The following FAM184A variants were observed in gnomAD, a reference collection of about 807,000 sequenced individuals.
The protein encoded by FAM184A is family with sequence similarity 184 member A.
Under a neutral mutation model 143.8 loss-of-function variants are expected in FAM184A, and 99 were observed. That is an observed-to-expected ratio of 0.69 (90% confidence interval 0.58 to 0.81). The LOEUF is 0.81. Among genes scored for constraint, FAM184A ranks in the 40% least tolerant of loss-of-function variants. The pLI is 0.00. For missense variants in FAM184A, 1,217 were observed against 1,310.5 expected, an observed-to-expected ratio of 0.93 and a Z score of 1.10; for synonymous variants, 427 against 446.4, an observed-to-expected ratio of 0.96 and a Z score of 0.55.
intron 1 of FAM184A, among the ~76,000 whole-genome samples, chr6:119,147,273 A>G (rs1772476853): frequency 6.7e-6 from 1 of 149,258 alleles, no homozygotes; most frequent in Admixed American, 6.9e-5. Context: ...GCGTGGGTGC[A>G]TCCTAGCTGT....
rs1210092012 is a variant in FAM184A at position 119,011,303 on chromosome 6, T to C, written c.1653+6A>G. On this transcript the variant is annotated splice_donor_region_variant and intron_variant, in intron 6 of 17. Coordinates refer to ENST00000338891, the MANE Select transcript of FAM184A (RefSeq NM_024581.6). ...AACATAGGCAACAGGTCTAAAGAAT[T>C]CTTGCCTCTTGATTGGCTGTATTCA... 6.2e-7 allele frequency: 1 copy of C among 1,607,276 alleles called. No homozygotes were observed. The highest frequency in any genetic ancestry group is 1.3e-5 in the African/African-American group (1 of 74,534).
At chr6:119,093,191 G>A (rs1284410034) in intron 1 of FAM184A, among the ~76,000 whole-genome samples, 1 of 152,174 alleles carries the variant, frequency 6.6e-6, no homozygotes, top group Non-Finnish European at 1.5e-5. Context: ...TACCTTTGTG[G>A]AGGGAGTACA....
At chr6:119,000,453 G>A (rs946555660) in intron 9 of FAM184A, among the ~76,000 whole-genome samples, 5 of 152,130 alleles carry the variant, frequency 3.3e-5, no homozygotes, top group South Asian at 4.1e-4. Flanking sequence ...TGACTGAATC[G>A]TAGCACAGAA....
chr6:119,006,392 TA>T (rs1784919724), intron 7 of FAM184A, 54 bp downstream of exon 7: 4 of 1,561,778 alleles, frequency 2.6e-6, no homozygotes, highest in Non-Finnish European at 3.5e-6. Flanking sequence ...GTCAAATGGC[TA>T]AATTCTATTT....
intron 7 of FAM184A, chr6:119,006,031 G>A: frequency 1.3e-6 from 1 of 756,040 alleles, no homozygotes. Flanking sequence ...AATACAGTCA[G>A]TACAGATGTA....
At chr6:118,996,881 A>ATT (rs571005695) in intron 9 of FAM184A, among the ~76,000 whole-genome samples, 5,167 of 139,010 alleles carry the variant, frequency 0.037, 214 homozygotes, top group African/African-American at 0.1. Flanking sequence ...TGCCTGGCTA[A>ATT]TTTTTTTTTT....
chr6:119,059,836 A>G (rs971032980), intron 1 of FAM184A, among the ~76,000 whole-genome samples: 7 of 152,242 alleles, frequency 4.6e-5, no homozygotes, highest in African/African-American at 1.7e-4. Context: ...TGAGTTTTAT[A>G]TATCTACGCT....
intron 5 of FAM184A, among the ~76,000 whole-genome samples, chr6:119,012,666 T>C (rs899869699): frequency 6.6e-6 from 1 of 152,154 alleles, no homozygotes; most frequent in Non-Finnish European, 1.5e-5. Flanking sequence ...ATGTCAAAAT[T>C]CCAGATTCCC....
chr6:119,034,566 GTTT>G (rs71556823), intron 1 of FAM184A, among the ~76,000 whole-genome samples: 64 of 88,314 alleles, frequency 7.2e-4, no homozygotes, highest in Non-Finnish European at 1.2e-3. Context: ...TTAATATATA[GTTT>G]TTTTTTTTTT....
chr6:119,014,667 A>T (rs992050151), intron 5 of FAM184A, among the ~76,000 whole-genome samples: 2 of 152,246 alleles, frequency 1.3e-5, no homozygotes, highest in African/African-American at 4.8e-5. Context: ...CAATGTCTTA[A>T]ATAAATTCAA....
intron 1 of FAM184A, among the ~76,000 whole-genome samples, chr6:119,065,114 T>G (rs1055880408): frequency 6.6e-6 from 1 of 152,302 alleles, no homozygotes; most frequent in Admixed American, 6.5e-5. Flanking sequence ...CTGTAGTTAT[T>G]TCCTACACTG....
At position 119,010,246 on chromosome 6, in the gene FAM184A, C is replaced by T. The variant is rs576424317; in HGVS notation, c.1653+1063G>A. On this transcript the variant is annotated intron_variant, in intron 6 of 17. Transcript: ENST00000338891. The stretch of plus-strand genomic sequence containing the variant: ...TAGTTATCTGCTTAGGTTAAATACA[C>T]AAAAAAATGAAACTGTTGAGTTAAA... 9.2e-5 allele frequency among the ~76,000 whole-genome samples: 14 copies of T among 152,210 alleles called. No homozygotes were observed. The South Asian group carries it at 1.9e-3, about 20-fold the overall frequency.
chr6:119,148,411 C>T (rs1582657458), intron 1 of FAM184A, among the ~76,000 whole-genome samples: 1 of 152,178 alleles, frequency 6.6e-6, no homozygotes, highest in Admixed American at 6.5e-5. Context: ...GAAAGTGTTG[C>T]GTATGAACCC....
intron 1 of FAM184A, among the ~76,000 whole-genome samples, chr6:119,097,251 G>C (rs1788531900): frequency 6.6e-6 from 1 of 151,986 alleles, no homozygotes; most frequent in Non-Finnish European, 1.5e-5. Flanking sequence ...TTAAGAAAAA[G>C]AGCTCAGCTT....
chr6:119,094,035 T>TCTTC lies in FAM184A; in HGVS notation c.-202+55039_-202+55042dup, dbSNP rs1241630198. ...CCCTCCCTCTCTCCCTTCTTTCCTT[T>TCTTC]CTTCCTTCCTTCCTTCCTTCTTTCC... On this transcript the variant is annotated intron_variant, in intron 1 of 16. Transcript: ENST00000352896. Among the ~76,000 whole-genome samples, 464 of 123,320 alleles carry TCTTC rather than the reference T, an allele frequency of 3.8e-3. 1 individual carries two copies. Among genetic ancestry groups the TCTTC allele is most frequent in the African/African-American group, 0.013 (449 of 35,504 alleles). The allele number at this position is 123,320 out of a possible 152,430, so 80.9% of individuals were successfully genotyped here.
chr6:118,974,348 ATAACAGC>A, intron 14 of FAM184A, 73 bp downstream of exon 14: 1 of 1,340,196 alleles, frequency 7.5e-7, no homozygotes, highest in Non-Finnish European at 1.0e-6. Context: ...TAGAGTCAAA[ATAACAGC>A]TAATCTGAGG....
intron 1 of FAM184A, among the ~76,000 whole-genome samples, chr6:119,091,529 C>T (rs539762054): frequency 3.2e-4 from 48 of 152,252 alleles, no homozygotes; most frequent in Admixed American, 2.1e-3. Context: ...GTCTTGTGCC[C>T]ATGTTGTCTT....
chr6:119,006,216 A>G (rs1269762165), intron 7 of FAM184A: 1 of 763,046 alleles, frequency 1.3e-6, no homozygotes, highest in Non-Finnish European at 2.4e-6. Context: ...AGAGTTTAGG[A>G]AGGAACATAG....
At chr6:119,068,596 C>T (rs997878592) in intron 1 of FAM184A, among the ~76,000 whole-genome samples, 24 of 152,110 alleles carry the variant, frequency 1.6e-4, no homozygotes, top group African/African-American at 5.3e-4. Context: ...TAAGGGAATG[C>T]CTAACTTACT....
Sources: allele counts gnomAD v4.1 joint callset (sites outside exome capture counted in the v4.1 genomes callset), GRCh38; gene constraint gnomAD v4.1.1; transcripts MANE v1.5; gene names NCBI Gene and HGNC (gene_info 2026-07-23, HGNC 2026-07-21).